PHKA1: variants seen among roughly 807,000 people sequenced by gnomAD.
The protein encoded by PHKA1 is phosphorylase b kinase regulatory subunit alpha, skeletal muscle isoform.
A neutral mutation model predicts 110.2 loss-of-function variants in PHKA1; 60 were observed. That is an observed-to-expected ratio of 0.54 (90% CI 0.44 to 0.68). The LOEUF (loss-of-function observed/expected upper bound fraction) is 0.68, where lower values mean the gene tolerates loss of function less well. PHKA1 is among the 30% of genes least tolerant of loss of function. The pLI is 0.00. For missense variants in PHKA1, 801 were observed against 942.5 expected (o/e 0.85, Z 1.97); for synonymous variants, 316 against 333.6 (o/e 0.95, Z 0.58).
At chrX:72,590,943 A>T (rs1556223868) in intron 29 of PHKA1, among the ~76,000 whole-genome samples, 1 of 112,006 alleles carries the variant, frequency 8.9e-6, no homozygotes, top group Non-Finnish European at 1.9e-5. Context: ...GATAAATAGG[A>T]ACGCTTTTAC....
intron 28 of PHKA1, among the ~76,000 whole-genome samples, chrX:72,594,018 T>A (rs782646760): frequency 1.8e-5 from 2 of 110,689 alleles, no homozygotes; most frequent in African/African-American, 3.3e-5. Context: ...ATTAAGGAAA[T>A]TTACAAATGT....
chrX:72,588,810 A>G (rs1372752020), intron 29 of PHKA1, among the ~76,000 whole-genome samples: 1 of 112,159 alleles, frequency 8.9e-6, no homozygotes, highest in Non-Finnish European at 1.9e-5. Flanking sequence ...CTCTATGCAA[A>G]TAAACTAGAA....
chrX:72,705,282 T>A, intron 2 of PHKA1, 37 bp from the exon 3 acceptor site: 1 of 1,071,849 alleles, frequency 9.3e-7, no homozygotes, highest in Non-Finnish European at 1.3e-6. Flanking sequence ...GTTATAAACA[T>A]CCCTAGATAC....
chrX:72,623,514 A>G (rs1556280576), intron 17 of PHKA1, among the ~76,000 whole-genome samples: 1 of 111,366 alleles, frequency 9.0e-6, no homozygotes, highest in Non-Finnish European at 1.9e-5. Context: ...CCACCAGCAG[A>G]CCAGTTTTGC....
At chrX:72,614,054 T>C (rs1240250911) in intron 21 of PHKA1, among the ~76,000 whole-genome samples, 1 of 112,070 alleles carries the variant, frequency 8.9e-6, no homozygotes, top group Non-Finnish European at 1.9e-5. Flanking sequence ...TATTGGGCTA[T>C]ATGACAAATC....
chrX:72,655,040 G>A (rs995221153), intron 10 of PHKA1, among the ~76,000 whole-genome samples: 6 of 110,057 alleles, frequency 5.5e-5, no homozygotes, highest in Admixed American at 9.4e-5. Context: ...CTCGTGATCC[G>A]CCCGCCTCGG....
At chrX:72,713,245 C>G (rs1259839911) in intron 1 of PHKA1, among the ~76,000 whole-genome samples, 4 of 111,459 alleles carry the variant, frequency 3.6e-5, no homozygotes, top group African/African-American at 1.3e-4. Context: ...CTCACAGCTA[C>G]CTTTTTTTTT....
intron 2 of PHKA1, among the ~76,000 whole-genome samples, chrX:72,706,255 C>G (rs919360968): frequency 4.5e-5 from 5 of 111,639 alleles, no homozygotes; most frequent in Non-Finnish European, 9.4e-5. Context: ...TCATTTCTGT[C>G]TATAAATGGT....
At chrX:72,676,443 A>G (rs782809952) in intron 5 of PHKA1, among the ~76,000 whole-genome samples, 1 of 111,875 alleles carries the variant, frequency 8.9e-6, no homozygotes, top group South Asian at 3.8e-4. Context: ...GGTGTTTCTC[A>G]AAATTTTTCA....
chrX:72,657,375 C>T (rs1413459612), intron 9 of PHKA1, among the ~76,000 whole-genome samples: 1 of 112,346 alleles, frequency 8.9e-6, no homozygotes, highest in African/African-American at 3.2e-5. Context: ...GGAAGGACTA[C>T]ACCTTCCTCT....
chrX:72,641,437 G>A (rs782553055), intron 14 of PHKA1, among the ~76,000 whole-genome samples: 2 of 111,483 alleles, frequency 1.8e-5, no homozygotes, highest in East Asian at 5.6e-4. Flanking sequence ...AATGCATCAC[G>A]AGAGAATAAG....
rs781799765 is a variant in PHKA1 at position 72,684,603 on chromosome X, T to C, written c.455-23A>G. 7 of 964,122 alleles carry C rather than the reference T, an allele frequency of 7.3e-6. No homozygotes were observed. In the South Asian group the frequency reaches 9.8e-5, roughly 14 times the overall value. The allele number at this position is 964,122 out of a possible 1,213,427, so 79.5% of individuals were successfully genotyped here. ...GTCCTGAGGAAAGAGGGAATAAAGA[T>C]ACAGAACTGGTCAATTATCACTATA... is the stretch of plus-strand genomic sequence containing the variant. On this transcript the variant is annotated intron_variant, in intron 4 of 31. Transcript: ENST00000373542.
Position 72,635,155 on chromosome X carries a change from C to T in PHKA1, c.1714G>A (p.Asp572Asn), listed in dbSNP as rs113352627. ...GTTCCTTGCCTCATGCAGCCCTTACCAAGCATGCTGTGTGAGATGGGGAAG... is the reference window on the plus strand; with the variant it reads ...GTTCCTTGCCTCATGCAGCCCTTACTAAGCATGCTGTGTGAGATGGGGAAG... The part of the protein sequence containing the change: ...ITFPISHSML[D>N]EDGTSLNSSI... The change falls in exon 16 of 32, where the codon GAT becomes AAT. Residue 572 changes from aspartate (D) to asparagine (N), a missense_variant and splice_region_variant. Transcript: ENST00000373542. 4.0e-5 allele frequency: 49 copies of T among 1,210,117 alleles called. 1 individual carries two copies. The African/African-American group carries it at 4.7e-4, about 12-fold the overall frequency.
At chrX:72,646,103 A>T (rs1457774052) in intron 13 of PHKA1, among the ~76,000 whole-genome samples, 3 of 112,281 alleles carry the variant, frequency 2.7e-5, no homozygotes, top group African/African-American at 9.7e-5. Context: ...AGCATAATAT[A>T]CCTTGCATAG....
chrX:72,694,057 C>G (rs1466256167), intron 4 of PHKA1, among the ~76,000 whole-genome samples: 1 of 111,950 alleles, frequency 8.9e-6, no homozygotes, highest in East Asian at 2.8e-4. Flanking sequence ...TGGAGCCCCT[C>G]CTGCCCCCAT....
intron 6 of PHKA1, among the ~76,000 whole-genome samples, chrX:72,674,256 A>G (rs2053747149): frequency 9.1e-6 from 1 of 110,491 alleles, no homozygotes; most frequent in African/African-American, 3.3e-5. Flanking sequence ...GAATAGTGCC[A>G]CAATAAACAT....
intron 2 of PHKA1, chrX:72,707,916 G>A (rs782220655): frequency 9.0e-6 from 1 of 110,839 alleles, no homozygotes; most frequent in East Asian, 2.8e-4. Flanking sequence ...TGGCACAGAT[G>A]GTAAGTGATC....
chrX:72,600,053 A>G (rs2052638739), intron 28 of PHKA1, among the ~76,000 whole-genome samples: 1 of 110,738 alleles, frequency 9.0e-6, no homozygotes, highest in African/African-American at 3.3e-5. Flanking sequence ...AGAAATAAAA[A>G]TACCCTTATA....
intron 3 of PHKA1, among the ~76,000 whole-genome samples, chrX:72,702,649 G>A (rs1417012124): frequency 3.6e-5 from 4 of 111,061 alleles, no homozygotes; most frequent in Non-Finnish European, 5.7e-5. Context: ...GAGCTTTTGG[G>A]ACCTACCCAT....
Sources: allele counts gnomAD v4.1 joint callset (sites outside exome capture counted in the v4.1 genomes callset), GRCh38; gene constraint gnomAD v4.1.1; transcripts MANE v1.5; gene names NCBI Gene and HGNC (gene_info 2026-07-23, HGNC 2026-07-21).